The following ANKFY1 variants were observed in gnomAD, a reference collection of about 807,000 sequenced individuals.
ANKFY1 encodes ankyrin repeat and FYVE domain-containing protein 1.
In ANKFY1, 47 loss-of-function variants were observed where a neutral mutation model predicts 128.3. That is an observed-to-expected ratio of 0.37 (90% confidence interval 0.29 to 0.47). ANKFY1 has a LOEUF of 0.47. ANKFY1 is among the 20% of genes least tolerant of loss of function. The probability of loss-of-function intolerance (pLI) is 1.00; values close to 1 mark genes in which losing one functional copy is unlikely to be tolerated. For synonymous variants in ANKFY1, 553 were observed against 601.6 expected (o/e 0.92, Z 1.18); for missense variants, 1,222 against 1,510.6 (o/e 0.81, Z 3.17).
intron 1 of ANKFY1, among the ~76,000 whole-genome samples, chr17:4,252,350 T>A (rs1184654089): frequency 1.3e-5 from 2 of 152,068 alleles, no homozygotes; most frequent in African/African-American, 4.8e-5. Context: ...GAGAACAGCT[T>A]GAAGCTAGGA....
Position 4,263,931 on chromosome 17 carries a change from C to T in ANKFY1, c.10+1G>A, listed in dbSNP as rs1212825230. On this transcript the variant is annotated splice_donor_variant, in intron 1 of 24. Coordinates refer to ENST00000341657, the MANE Select transcript of ANKFY1 (RefSeq NM_001330063.2). LOFTEE classifies it high-confidence loss of function. The stretch of plus-strand genomic sequence containing the variant: ...CGCGCGGCTCCACAAAAAAACCCTA[C>T]CTTCCGCCATGTCTGGCCCGGCACT... 2.5e-6 allele frequency: 4 copies of T among 1,614,004 alleles called. No homozygotes were observed. Among genetic ancestry groups the T allele is most frequent in the Non-Finnish European group, 3.4e-6 (4 of 1,179,944 alleles).
chr17:4,182,069 A>C (rs2059525850), intron 15 of ANKFY1, 112 bp downstream of exon 15: 1 of 1,106,028 alleles, frequency 9.0e-7, no homozygotes, highest in African/African-American at 1.6e-5. Context: ...TCCTTGTCCC[A>C]CTATGTTACT....
chr17:4,196,344 T>C (rs1421893239), intron 8 of ANKFY1, among the ~76,000 whole-genome samples: 1 of 151,788 alleles, frequency 6.6e-6, no homozygotes, highest in African/African-American at 2.4e-5. Context: ...CATAAATACA[T>C]TCTCCTGTCT....
Position 4,207,986 on chromosome 17 carries a change from T to C in ANKFY1, c.679A>G (p.Lys227Glu). ...KTEYPLHKAI[K>E]VEREDVVFLY... is the part of the protein sequence containing the mutation. ...AAGACCACGTCTTCTCTCTCCACTTTGATGGCTTTATGTAGCGGGTACTCT... is the reference window on the plus strand; with the variant it reads ...AAGACCACGTCTTCTCTCTCCACTTCGATGGCTTTATGTAGCGGGTACTCT... Residue 227 changes from lysine (K) to glutamate (E), a missense_variant, in exon 6 of 25, where the codon AAA (lysine) becomes GAA (glutamate). Coordinates refer to ENST00000341657, the MANE Select transcript of ANKFY1 (RefSeq NM_001330063.2). 1 of 1,610,808 alleles carries C rather than the reference T, an allele frequency of 6.2e-7. No homozygotes were observed. The highest frequency in any genetic ancestry group is 1.3e-5 in the African/African-American group (1 of 74,928).
chr17:4,176,523 C>T (rs2059414039), intron 19 of ANKFY1, among the ~76,000 whole-genome samples: 1 of 152,214 alleles, frequency 6.6e-6, no homozygotes, highest in Non-Finnish European at 1.5e-5. Flanking sequence ...TGCTTTCTTC[C>T]TGCCCCTCTA....
In ANKFY1 at chr17:4,206,320, C is replaced by T; in HGVS notation, c.898+1G>A. On this transcript the variant is annotated splice_donor_variant, in intron 7 of 24. Transcript: ENST00000341657. LOFTEE classifies it high-confidence loss of function. ...AGGGAAACATACACACTTCTTCCTACCTCTTTGGATTCCTTTGTGTAACAA... is the reference window on the plus strand; with the variant it reads ...AGGGAAACATACACACTTCTTCCTATCTCTTTGGATTCCTTTGTGTAACAA... 1 of 1,611,390 alleles carries T rather than the reference C, an allele frequency of 6.2e-7. No homozygotes were observed. The highest frequency in any genetic ancestry group is 8.5e-7 in the Non-Finnish European group (1 of 1,177,710).
intron 11 of ANKFY1, among the ~76,000 whole-genome samples, chr17:4,185,689 G>A (rs1177616924): frequency 6.6e-6 from 1 of 152,076 alleles, no homozygotes; most frequent in Non-Finnish European, 1.5e-5. Flanking sequence ...CTGGCTTCTT[G>A]ACTTCACCTC....
At position 4,197,595 on chromosome 17, in the gene ANKFY1, G is replaced by C. The variant is rs780347331; in HGVS notation, c.899-18C>G. 1.2e-6 allele frequency: 2 copies of C among 1,611,348 alleles called. No individual in the cohort carries two copies. The highest frequency in any genetic ancestry group is 2.2e-5 in the East Asian group (1 of 44,854). On this transcript the variant is annotated intron_variant, in intron 7 of 24. Transcript: ENST00000341657. ...GAGATCTCCTTGAAAAGAAATAATA[G>C]AAGAAACAGTGTCAGGGCAAAGTAT...
intron 10 of ANKFY1, among the ~76,000 whole-genome samples, chr17:4,193,314 G>A (rs766152800): frequency 3.3e-5 from 5 of 152,000 alleles, no homozygotes; most frequent in Non-Finnish European, 7.4e-5. Flanking sequence ...GGAGTACAGT[G>A]GAGTGATCAT....
intron 22 of ANKFY1, 79 bp downstream of exon 22, chr17:4,172,477 G>A (rs1009387669): frequency 7.7e-6 from 12 of 1,555,328 alleles, no homozygotes; most frequent in African/African-American, 5.5e-5. Flanking sequence ...CTCAGATAAC[G>A]ACGTGTGCCT....
intron 1 of ANKFY1, among the ~76,000 whole-genome samples, chr17:4,250,146 A>G (rs1567978466): frequency 1.3e-5 from 2 of 152,294 alleles, no homozygotes; most frequent in East Asian, 3.9e-4. Context: ...GTGCAGACCT[A>G]CATCTGAACT....
In ANKFY1 at chr17:4,240,401, T is replaced by A. The variant is rs576193345; in HGVS notation, c.203+1855A>T. On this transcript the variant is annotated intron_variant, in intron 2 of 24. Transcript: ENST00000341657. ...GTTAATCTTTATTTATTTATTTATT[T>A]ATTTTTTTAAGACAGGGTCTCTCTC... 3.1e-3 allele frequency among the ~76,000 whole-genome samples: 458 copies of A among 147,414 alleles called. 6 individuals carry two copies. Among genetic ancestry groups the A allele is most frequent in the Non-Finnish European group, 2.3e-3 (151 of 66,986 alleles).
intron 11 of ANKFY1, among the ~76,000 whole-genome samples, chr17:4,185,867 C>T (rs1007422071): frequency 5.3e-5 from 8 of 152,164 alleles, no homozygotes; most frequent in Non-Finnish European, 8.8e-5. Flanking sequence ...ACCTAAGCCC[C>T]GGCAATCGGC....
chr17:4,185,841 C>T (rs551331713), intron 11 of ANKFY1, among the ~76,000 whole-genome samples: 109 of 152,238 alleles, frequency 7.2e-4, no homozygotes, highest in Non-Finnish European at 1.3e-3. Context: ...GGGAGAGCCG[C>T]GCAGCCCCCG....
At chr17:4,185,814 T>C (rs1341913692) in intron 11 of ANKFY1, among the ~76,000 whole-genome samples, 2 of 152,046 alleles carry the variant, frequency 1.3e-5, no homozygotes, top group Non-Finnish European at 2.9e-5. Context: ...GTCACCAAAA[T>C]AAATAGTACA....
At chr17:4,220,770 G>A (rs2060297487) in intron 3 of ANKFY1, among the ~76,000 whole-genome samples, 1 of 152,244 alleles carries the variant, frequency 6.6e-6, no homozygotes, top group Non-Finnish European at 1.5e-5. Flanking sequence ...GAAGGACAGT[G>A]TGTGCTGCAA....
At chr17:4,217,820 G>A (rs941661775) in intron 3 of ANKFY1, among the ~76,000 whole-genome samples, 4 of 152,032 alleles carry the variant, frequency 2.6e-5, no homozygotes, top group African/African-American at 9.7e-5. Context: ...CGAGTAGCTG[G>A]GACCGCAGGT....
rs1281524573 is a variant in ANKFY1, at chr17:4,169,591, G to A, written c.3287-303C>T. ...TGGGATGGAAGGCACGGTAGGGAGA[G>A]AACAGAGACCACACAGCTAGACAAA... On this transcript the variant is annotated intron_variant, in intron 23 of 24. Coordinates refer to ENST00000341657, the MANE Select transcript of ANKFY1 (RefSeq NM_001330063.2). This position sits in a 1 kb window ranked among gnomAD's most constrained non-coding sequence, Gnocchi z 5.0. Among the ~76,000 whole-genome samples, 2 of 152,206 alleles carry A rather than the reference G, an allele frequency of 1.3e-5. No homozygotes were observed. The highest frequency in any genetic ancestry group is 1.3e-4 in the Admixed American group (2 of 15,276).
intron 3 of ANKFY1, among the ~76,000 whole-genome samples, chr17:4,219,868 C>A (rs2060280008): frequency 6.6e-6 from 1 of 152,092 alleles, no homozygotes; most frequent in African/African-American, 2.4e-5. Context: ...GTCACCCAGG[C>A]TGGAGTGCAG....
Sources: allele counts gnomAD v4.1 joint callset (sites outside exome capture counted in the v4.1 genomes callset), GRCh38; gene constraint gnomAD v4.1.1; non-coding constraint Gnocchi (gnomAD v3.1); transcripts MANE v1.5; gene names NCBI Gene and HGNC (gene_info 2026-07-23, HGNC 2026-07-21).